TMEM178B: variants seen among roughly 807,000 people sequenced by gnomAD.
TMEM178B encodes the protein transmembrane protein 178B.
Under a neutral mutation model 31.0 loss-of-function variants are expected in TMEM178B, and 5 were observed. The ratio of observed to expected loss-of-function variants is 0.16; its 90% CI spans 0.08 to 0.34. The LOEUF is 0.34. TMEM178B is among the 10% of genes least tolerant of loss of function. The pLI is 1.00. For missense variants in TMEM178B, 275 were observed against 400.3 expected (o/e 0.69, Z 2.67); for synonymous variants, 164 against 164.0 (o/e 1.00, Z 0.00).
chr7:141,411,241 A>G (rs1455551934), intron 2 of TMEM178B, among the ~76,000 whole-genome samples: 1 of 152,186 alleles, frequency 6.6e-6, no homozygotes, highest in Middle Eastern at 3.2e-3. Context: ...TAAAAAAGAA[A>G]TTAGAATGGT....
intron 2 of TMEM178B, among the ~76,000 whole-genome samples, chr7:141,412,252 G>C (rs1462265999): frequency 2.0e-5 from 3 of 152,198 alleles, no homozygotes; most frequent in African/African-American, 7.2e-5. Flanking sequence ...GGTGAGTGGT[G>C]AATCAATGTT....
Position 141,399,995 on chromosome 7 carries a change from C to G in TMEM178B, c.497-37613C>G, listed in dbSNP as rs192951755. The stretch of plus-strand genomic sequence containing the variant: ...CAGGAACTTTACAAACAATCAGTCT[C>G]CCATGTGTCAAACTCTGTGTTGGGT... On this transcript the variant is annotated intron_variant, in intron 2 of 3. Transcript: ENST00000565468. 1.8e-3 allele frequency among the ~76,000 whole-genome samples: 274 copies of G among 152,274 alleles called. 2 individuals carry two copies. Among genetic ancestry groups the G allele is most frequent in the African/African-American group, 6.3e-3 (263 of 41,558 alleles).
chr7:141,203,676 C>T (rs1012937942), intron 1 of TMEM178B, among the ~76,000 whole-genome samples: 3 of 152,222 alleles, frequency 2.0e-5, no homozygotes, highest in Non-Finnish European at 4.4e-5. Context: ...AGGCCAGACT[C>T]TGCATCCCAG....
chr7:141,487,903 C>A, the TMEM178B span, among the ~76,000 whole-genome samples: 1 of 151,996 alleles, frequency 6.6e-6, no homozygotes, highest in African/African-American at 2.4e-5. Context: ...GCTCCTTCCC[C>A]GCAGTGGCAT....
chr7:141,366,879 C>A (rs1382932277), intron 2 of TMEM178B, among the ~76,000 whole-genome samples: 1 of 152,074 alleles, frequency 6.6e-6, no homozygotes, highest in East Asian at 1.9e-4. Flanking sequence ...TACCCTGCAA[C>A]TCTTCTGTGA....
rs116859031 is a variant in TMEM178B at position 141,334,234 on chromosome 7, C to T, written c.497-103374C>T. On this transcript the variant is annotated intron_variant, in intron 2 of 3. Coordinates refer to ENST00000565468, the MANE Select transcript of TMEM178B (RefSeq NM_001195278.2). ...ATGCAGTATAGGGTTTTGGTCAGAC[C>T]GATGTGTGTTCGAGTCCTGTCTCAG... 2.9e-4 allele frequency among the ~76,000 whole-genome samples: 44 copies of T among 152,204 alleles called. 2 individuals carry two copies. The East Asian group carries it at 4.4e-3, about 15-fold the overall frequency.
At chr7:141,293,193 A>G (rs139978142) in intron 2 of TMEM178B, among the ~76,000 whole-genome samples, 2,128 of 152,262 alleles carry the variant, frequency 0.014, 53 homozygotes, top group African/African-American at 0.047. Context: ...TCAAAGATAC[A>G]AGACCTGACT....
At chr7:141,106,982 G>A (rs1193395009) in intron 1 of TMEM178B, among the ~76,000 whole-genome samples, 1 of 152,204 alleles carries the variant, frequency 6.6e-6, no homozygotes, top group Non-Finnish European at 1.5e-5. Flanking sequence ...TAAAGAACAT[G>A]GGGAGTGTGA....
At chr7:141,114,426 T>C (rs1795286195) in intron 1 of TMEM178B, among the ~76,000 whole-genome samples, 1 of 152,066 alleles carries the variant, frequency 6.6e-6, no homozygotes, top group Non-Finnish European at 1.5e-5. Flanking sequence ...CTGCACTGTA[T>C]ATCTCTCCCT....
chr7:141,143,854 A>G (rs1321415434), intron 1 of TMEM178B, among the ~76,000 whole-genome samples: 1 of 152,132 alleles, frequency 6.6e-6, no homozygotes, highest in Non-Finnish European at 1.5e-5. Flanking sequence ...ATGGGCATGT[A>G]ATGTTTTTCC....
At chr7:141,158,714 G>A (rs966873665) in intron 1 of TMEM178B, among the ~76,000 whole-genome samples, 7 of 152,092 alleles carry the variant, frequency 4.6e-5, no homozygotes, top group African/African-American at 1.7e-4. Context: ...TGAGCACTGG[G>A]ATCTGCTGAC....
intron 2 of TMEM178B, among the ~76,000 whole-genome samples, chr7:141,242,541 C>CT (rs58320290): frequency 0.057 from 5,227 of 91,588 alleles, 201 homozygotes; most frequent in East Asian, 0.16. Context: ...GATTCTTTTC[C>CT]TTTTTTTTTT....
intron 1 of TMEM178B, among the ~76,000 whole-genome samples, chr7:141,120,721 AGAGGTGGGAGGATCCCTT>A (rs2129176315): frequency 6.6e-6 from 1 of 152,194 alleles, no homozygotes; most frequent in South Asian, 2.1e-4. Flanking sequence ...TTTGGGAGGC[AGAGGTGGGAGGATCCCTT>A]GAGGCTAGGA....
Position 141,074,800 on chromosome 7 carries a change from C to T in TMEM178B, c.382+108C>T, listed in dbSNP as rs1480390213. On this transcript the variant is annotated intron_variant, in intron 1 of 3. Coordinates refer to ENST00000565468, the MANE Select transcript of TMEM178B (RefSeq NM_001195278.2). The surrounding 1 kb of genome is among the most constrained non-coding windows in gnomAD (Gnocchi z 5.1). ...CACAGGCTATCAGGTCTCTGGGTTC[C>T]AGGCGGTCCGGTTATCCAGGCCTGG... is the stretch of plus-strand genomic sequence containing the variant. The T allele has an allele frequency of 2.1e-6, 3 of 1,401,266 alleles. No homozygotes were observed. The highest frequency in any genetic ancestry group is 1.9e-6 in the Non-Finnish European group (2 of 1,070,604). 86.8% of individuals were successfully genotyped at this position (1,401,266 alleles called of 1,614,324 possible).
intron 2 of TMEM178B, among the ~76,000 whole-genome samples, chr7:141,296,572 A>G (rs116791717): frequency 2.0e-5 from 3 of 152,208 alleles, no homozygotes; most frequent in Non-Finnish European, 2.9e-5. Flanking sequence ...CTGAGGGAAC[A>G]CAGATTTATT....
chr7:141,495,253 C>G, the TMEM178B span, among the ~76,000 whole-genome samples: 3 of 152,226 alleles, frequency 2.0e-5, no homozygotes, highest in Admixed American at 6.5e-5. Flanking sequence ...ACTAGAAATG[C>G]AGGGAGCATG....
intron 2 of TMEM178B, among the ~76,000 whole-genome samples, chr7:141,349,890 T>G (rs1163711843): frequency 6.6e-6 from 1 of 152,164 alleles, no homozygotes; most frequent in Admixed American, 6.5e-5. Flanking sequence ...CGTTGTTTAT[T>G]TACTGAGTTC....
At chr7:141,503,853 T>C in the TMEM178B span, among the ~76,000 whole-genome samples, 1 of 152,198 alleles carries the variant, frequency 6.6e-6, no homozygotes, top group Non-Finnish European at 1.5e-5. Flanking sequence ...TCTGTCCTGG[T>C]CTGGGTTTTT....
At chr7:141,356,947 G>A (rs975996475) in intron 2 of TMEM178B, among the ~76,000 whole-genome samples, 6 of 152,082 alleles carry the variant, frequency 3.9e-5, no homozygotes, top group African/African-American at 1.4e-4. Flanking sequence ...GACCCCTTAA[G>A]CTGGGGTAGT....
Sources: gnomAD v4.1 joint callset for allele counts (sites outside exome capture counted in the v4.1 genomes callset) on GRCh38, gnomAD v4.1.1 for gene constraint, Gnocchi (gnomAD v3.1) non-coding constraint, MANE v1.5 for transcripts, NCBI Gene and HGNC (gene_info 2026-07-23, HGNC 2026-07-21) for gene names.